Variants in KLHL24 observed in about 807,000 individuals in gnomAD.
The protein encoded by KLHL24 is kelch-like protein 24.
A neutral mutation model predicts 53.4 loss-of-function variants in KLHL24; 29 were observed. The observed-to-expected ratio is 0.54, with a 90% CI of 0.40 to 0.74. The LOEUF (loss-of-function observed/expected upper bound fraction) is 0.74, where lower values mean the gene tolerates loss of function less well. KLHL24 is among the 30% of genes least tolerant of loss of function. The pLI is 0.00. For missense variants in KLHL24, 504 were observed against 744.0 expected (o/e 0.68, Z 3.75); for synonymous variants, 222 against 253.7 (o/e 0.88, Z 1.19).
In KLHL24 at chr3:183,674,628, G is replaced by A. The variant is rs527676362; in HGVS notation, c.1602+2144G>A. Among the ~76,000 whole-genome samples the A allele has an allele frequency of 2.0e-5, 3 of 152,244 alleles. No individual in the cohort carries two copies. In the South Asian group the frequency reaches 6.2e-4, roughly 32 times the overall value. On this transcript the variant is annotated intron_variant, in intron 7 of 7. Transcript: ENST00000242810. Reference sequence around the variant, plus strand: ...ACCTGCCTCAGCCTCCCAAAGTGCTGGGATTACAGGCATGAGCCACCATGC... The same window carrying A: ...ACCTGCCTCAGCCTCCCAAAGTGCTAGGATTACAGGCATGAGCCACCATGC...
In KLHL24 at chr3:183,672,503, A is replaced by G. The variant is rs371910284; in HGVS notation, c.1602+19A>G. ...CCGTCAGGTAATAACATAAAGCAGTACAAAAGAAAAATAAATCTAAGAGGG... is the reference window on the plus strand; with the variant it reads ...CCGTCAGGTAATAACATAAAGCAGTGCAAAAGAAAAATAAATCTAAGAGGG... On this transcript the variant is annotated intron_variant, in intron 7 of 7. Coordinates refer to ENST00000242810, the MANE Select transcript of KLHL24 (RefSeq NM_017644.3). The G allele has an allele frequency of 1.3e-6, 2 of 1,538,662 alleles. No homozygotes were observed. The highest frequency in any genetic ancestry group is 1.8e-6 in the Non-Finnish European group (2 of 1,134,186).
chr3:183,678,378 A>G (rs969143723), intron 7 of KLHL24, among the ~76,000 whole-genome samples: 2 of 152,206 alleles, frequency 1.3e-5, no homozygotes, highest in African/African-American at 2.4e-5. Context: ...GCCACTTTCT[A>G]TAATAACCTT....
At chr3:183,639,763 TG>T (rs1263725724) in intron 1 of KLHL24, among the ~76,000 whole-genome samples, 1 of 152,026 alleles carries the variant, frequency 6.6e-6, no homozygotes, top group Non-Finnish European at 1.5e-5. Flanking sequence ...CCCAGCACTT[TG>T]GGAGGCCGGG....
chr3:183,637,820 G>A (rs1328699743), intron 1 of KLHL24, among the ~76,000 whole-genome samples: 1 of 152,076 alleles, frequency 6.6e-6, no homozygotes, highest in East Asian at 1.9e-4. Context: ...CACCACGCCC[G>A]GCTAGTTTTT....
At chr3:183,658,787 T>G (rs1576930726) in intron 3 of KLHL24, among the ~76,000 whole-genome samples, 1 of 151,318 alleles carries the variant, frequency 6.6e-6, no homozygotes. Context: ...TAATTTTCAT[T>G]TACATTTCCT....
At chr3:183,656,712 A>G (rs1395379291) in intron 3 of KLHL24, among the ~76,000 whole-genome samples, 1 of 151,832 alleles carries the variant, frequency 6.6e-6, no homozygotes, top group Non-Finnish European at 1.5e-5. Flanking sequence ...GAATAAACTG[A>G]TATTTACTCT....
intron 1 of KLHL24, among the ~76,000 whole-genome samples, chr3:183,640,057 A>C (rs7647286): frequency 0.33 from 50,940 of 152,100 alleles, 9,390 homozygotes; most frequent in African/African-American, 0.49. Context: ...TTTTTCTAAC[A>C]GAAAACATAA....
At chr3:183,674,912 A>G (rs1441592395) in intron 7 of KLHL24, among the ~76,000 whole-genome samples, 1 of 152,124 alleles carries the variant, frequency 6.6e-6, no homozygotes, top group Non-Finnish European at 1.5e-5. Context: ...TACCTTCTCT[A>G]CTTGTAATTC....
chr3:183,676,176 A>G (rs1055118063), intron 7 of KLHL24, among the ~76,000 whole-genome samples: 5 of 152,130 alleles, frequency 3.3e-5, no homozygotes, highest in Admixed American at 2.6e-4. Context: ...GCTCACTGCA[A>G]CCTCCGCCTC....
chr3:183,649,227 T>C (rs1235293194), intron 2 of KLHL24, among the ~76,000 whole-genome samples: 2 of 152,240 alleles, frequency 1.3e-5, no homozygotes, highest in Admixed American at 6.5e-5. Flanking sequence ...CATTTTAGCA[T>C]ATGTACATCC....
chr3:183,649,962 T>C lies in KLHL24; in HGVS notation c.-61-334T>C, dbSNP rs569713415. Among the ~76,000 whole-genome samples, 18 of 152,254 alleles carry C rather than the reference T, an allele frequency of 1.2e-4. No individual in the cohort carries two copies. In the East Asian group the frequency reaches 2.9e-3, roughly 25 times the overall value. ...TTCTAACTGTAGTCAAATTGTGTCT[T>C]ACACCATTCTGACTTAACTCTACAG... On this transcript the variant is annotated intron_variant, in intron 2 of 7. Coordinates refer to ENST00000242810, the MANE Select transcript of KLHL24 (RefSeq NM_017644.3).
Position 183,663,415 on chromosome 3 carries a change from ATATTAT to A in KLHL24, c.921-39_921-34del. The A allele has an allele frequency of 9.9e-7, 1 of 1,011,262 alleles. No individual in the cohort carries two copies. Among genetic ancestry groups the A allele is most frequent in the Non-Finnish European group, 1.4e-6 (1 of 729,136 alleles). The allele number at this position is 1,011,262 out of a possible 1,614,324, so 62.6% of individuals were successfully genotyped here. A position where few individuals can be genotyped will look rare whatever the true frequency, so the allele number is the denominator to read the frequency against. ...AAAATCTGGAGTATATTTTAATGTA[ATATTAT>A]TATATTATTTATGTACGCTAATAAT... On this transcript the variant is annotated intron_variant, in intron 3 of 7. Coordinates refer to ENST00000242810, the MANE Select transcript of KLHL24 (RefSeq NM_017644.3). This position sits in a 1 kb window ranked among gnomAD's most constrained non-coding sequence, Gnocchi z 4.9.
At chr3:183,653,311 T>G (rs1411888903) in intron 3 of KLHL24, among the ~76,000 whole-genome samples, 1 of 152,232 alleles carries the variant, frequency 6.6e-6, no homozygotes, top group Non-Finnish European at 1.5e-5. Context: ...ACATTTATCT[T>G]TCACTTATCT....
At chr3:183,675,233 T>TA (rs1459280509) in intron 7 of KLHL24, among the ~76,000 whole-genome samples, 4 of 152,302 alleles carry the variant, frequency 2.6e-5, no homozygotes, top group African/African-American at 9.6e-5. Flanking sequence ...ACATTAGAGA[T>TA]ACAGCATAGA....
intron 1 of KLHL24, among the ~76,000 whole-genome samples, chr3:183,637,369 CG>C (rs1253046167): frequency 6.6e-6 from 1 of 152,202 alleles, no homozygotes; most frequent in Middle Eastern, 3.2e-3. Context: ...CTTCCATACT[CG>C]GCTCGGATGA....
At chr3:183,658,003 T>C (rs1157826302) in intron 3 of KLHL24, among the ~76,000 whole-genome samples, 3 of 151,958 alleles carry the variant, frequency 2.0e-5, no homozygotes, top group Non-Finnish European at 4.4e-5. Context: ...ACCTGAGGTC[T>C]GGAGTTCGAG....
intron 3 of KLHL24, among the ~76,000 whole-genome samples, chr3:183,655,473 G>GA (rs1718717666): frequency 6.6e-6 from 1 of 152,010 alleles, no homozygotes; most frequent in Non-Finnish European, 1.5e-5. Context: ...AGAAAAAAAA[G>GA]AAAAAATTAG....
At chr3:183,638,420 C>A (rs1387379913) in intron 1 of KLHL24, among the ~76,000 whole-genome samples, 1 of 147,984 alleles carries the variant, frequency 6.8e-6, no homozygotes, top group Non-Finnish European at 1.5e-5. Flanking sequence ...TACTATTAAT[C>A]AAATAAGTGA....
At chr3:183,654,812 C>T (rs16857894) in intron 3 of KLHL24, among the ~76,000 whole-genome samples, 1 of 152,142 alleles carries the variant, frequency 6.6e-6, no homozygotes, top group Non-Finnish European at 1.5e-5. Flanking sequence ...TCATTGCTTC[C>T]TTATGGCATC....
Sources: gnomAD v4.1 joint callset for allele counts (sites outside exome capture counted in the v4.1 genomes callset) on GRCh38, gnomAD v4.1.1 for gene constraint, Gnocchi (gnomAD v3.1) non-coding constraint, MANE v1.5 for transcripts, NCBI Gene and HGNC (gene_info 2026-07-23, HGNC 2026-07-21) for gene names.